Variants in DCC observed in about 807,000 individuals in gnomAD.
DCC encodes the protein netrin receptor DCC.
DCC carries 58 observed loss-of-function variants against 172.5 expected under a neutral mutation model. The observed-to-expected ratio is 0.34, with a 90% confidence interval of 0.27 to 0.42. The LOEUF (loss-of-function observed/expected upper bound fraction) is 0.42. Among genes scored for constraint, DCC ranks in the 10% least tolerant of loss-of-function variants. The pLI, the probability that DCC is intolerant of heterozygous loss-of-function variation, is 1.00. For synonymous variants in DCC, 709 were observed against 644.5 expected (o/e 1.10, Z -1.52); for missense variants, 1,740 against 1,791.0 (o/e 0.97, Z 0.51).
intron 1 of DCC, among the ~76,000 whole-genome samples, chr18:52,744,279 G>T (rs553027536): frequency 1.3e-5 from 2 of 151,988 alleles, no homozygotes; most frequent in South Asian, 4.2e-4. Context: ...ACTAAATCTG[G>T]CAACTCTAAT....
chr18:53,361,202 CT>C (rs1188190973), intron 15 of DCC, among the ~76,000 whole-genome samples: 1 of 152,108 alleles, frequency 6.6e-6, no homozygotes, highest in Non-Finnish European at 1.5e-5. Context: ...TCTCATAGGC[CT>C]TCAGGGACCG....
intron 5 of DCC, among the ~76,000 whole-genome samples, chr18:53,059,332 G>A (rs2042461640): frequency 1.3e-5 from 2 of 152,060 alleles, no homozygotes; most frequent in Non-Finnish European, 2.9e-5. Context: ...ATTTCAGGGT[G>A]AGAAAATAGA....
intron 1 of DCC, among the ~76,000 whole-genome samples, chr18:52,629,388 G>C (rs1226937709): frequency 1.3e-5 from 2 of 152,168 alleles, no homozygotes; most frequent in Non-Finnish European, 2.9e-5. Flanking sequence ...ACAATGACTA[G>C]ATCCCTATGG....
intron 1 of DCC, among the ~76,000 whole-genome samples, chr18:52,433,268 C>A (rs1009851483): frequency 6.6e-6 from 1 of 152,126 alleles, no homozygotes; most frequent in Non-Finnish European, 1.5e-5. Context: ...GTTTCAATTT[C>A]AAAATCATGT....
chr18:53,110,193 A>G (rs575704459), intron 7 of DCC, among the ~76,000 whole-genome samples: 1 of 151,810 alleles, frequency 6.6e-6, no homozygotes, highest in Admixed American at 6.6e-5. Context: ...TCTGGAATAA[A>G]GTGAGATGAC....
At chr18:52,952,161 T>TC (rs1379859679) in intron 5 of DCC, among the ~76,000 whole-genome samples, 1 of 152,256 alleles carries the variant, frequency 6.6e-6, no homozygotes, top group African/African-American at 2.4e-5. Flanking sequence ...TGCATTTTTT[T>TC]CCCTTTCTCT....
chr18:53,098,530 G>A lies in DCC; in HGVS notation c.1261+32364G>A, dbSNP rs1360638588. ...ATGAATTTATCCAGTGTTTCGTGAT[G>A]ATTAGACCTAAGTTATGCATTTTGA... On this transcript the variant is annotated intron_variant, in intron 7 of 28. Coordinates refer to ENST00000442544, the MANE Select transcript of DCC (RefSeq NM_005215.4). Among the ~76,000 whole-genome samples, 3 of 152,148 alleles carry A rather than the reference G, an allele frequency of 2.0e-5. No homozygotes were observed. In the East Asian group the frequency reaches 5.8e-4, roughly 29 times the overall value.
intron 1 of DCC, among the ~76,000 whole-genome samples, chr18:52,485,777 G>A (rs1004184995): frequency 6.6e-6 from 1 of 151,888 alleles, no homozygotes; most frequent in African/African-American, 2.4e-5. Context: ...AAGAGAATAT[G>A]GTTAAACATG....
chr18:52,978,726 C>T (rs750807151), intron 5 of DCC, among the ~76,000 whole-genome samples: 1 of 152,148 alleles, frequency 6.6e-6, no homozygotes, highest in African/African-American at 2.4e-5. Context: ...CTATATCCAC[C>T]CTTCCCGCTT....
chr18:53,170,807 A>G (rs1425775819), intron 8 of DCC, among the ~76,000 whole-genome samples: 1 of 152,180 alleles, frequency 6.6e-6, no homozygotes, highest in Non-Finnish European at 1.5e-5. Context: ...GGCCAGAAAC[A>G]GCCCCCCTGA....
intron 1 of DCC, among the ~76,000 whole-genome samples, chr18:52,698,838 T>C (rs1433370850): frequency 6.6e-6 from 1 of 150,696 alleles, no homozygotes; most frequent in Non-Finnish European, 1.5e-5. Flanking sequence ...CTCAAACTCC[T>C]GACCTCGTGA....
chr18:52,818,639 T>C (rs1053142924), intron 2 of DCC, among the ~76,000 whole-genome samples: 1 of 152,078 alleles, frequency 6.6e-6, no homozygotes, highest in African/African-American at 2.4e-5. Flanking sequence ...AGGAGAAAGA[T>C]CATTAGATCA....
chr18:52,461,663 C>T (rs1988634722), intron 1 of DCC, among the ~76,000 whole-genome samples: 1 of 152,194 alleles, frequency 6.6e-6, no homozygotes, highest in African/African-American at 2.4e-5. Flanking sequence ...TATGGGACCA[C>T]TGTTGCGTAC....
intron 15 of DCC, among the ~76,000 whole-genome samples, chr18:53,352,172 A>G (rs961373162): frequency 5.9e-5 from 9 of 152,108 alleles, no homozygotes; most frequent in Non-Finnish European, 1.0e-4. Context: ...CCAACAAAAT[A>G]ATATAATCCA....
At chr18:52,501,319 G>A (rs1241925522) in intron 1 of DCC, among the ~76,000 whole-genome samples, 1 of 152,078 alleles carries the variant, frequency 6.6e-6, no homozygotes, top group Non-Finnish European at 1.5e-5. Flanking sequence ...CAAATGGTAT[G>A]CCAGAATCAA....
rs574205495 is a variant in DCC, at chr18:52,453,419, C to T, written c.91+112541C>T. Among the ~76,000 whole-genome samples, 6 of 152,236 alleles carry T rather than the reference C, an allele frequency of 3.9e-5. No homozygotes were observed. The Middle Eastern group carries it at 0.014, about 345-fold the overall frequency. ...GCATCCACTCATCCCTCAATCATCA[C>T]GCAGGTTGCCCCTGTACCATGCGAT... On this transcript the variant is annotated intron_variant, in intron 1 of 28. Coordinates refer to ENST00000442544, the MANE Select transcript of DCC (RefSeq NM_005215.4).
At chr18:53,383,993 G>T (rs932660416) in intron 15 of DCC, among the ~76,000 whole-genome samples, 1 of 151,938 alleles carries the variant, frequency 6.6e-6, no homozygotes, top group African/African-American at 2.4e-5. Flanking sequence ...TTTTATGATT[G>T]TACCATATCT....
intron 15 of DCC, among the ~76,000 whole-genome samples, chr18:53,375,256 T>A (rs1482962534): frequency 6.6e-6 from 1 of 152,198 alleles, no homozygotes; most frequent in Non-Finnish European, 1.5e-5. Context: ...TAGTTCTTTC[T>A]GTTCATGTCT....
chr18:53,120,084 C>T (rs181091643), intron 7 of DCC, among the ~76,000 whole-genome samples: 4 of 151,700 alleles, frequency 2.6e-5, no homozygotes, highest in African/African-American at 9.7e-5. Flanking sequence ...GGTATATATC[C>T]AGCTGTATTT....
Sources: allele counts gnomAD v4.1 joint callset (sites outside exome capture counted in the v4.1 genomes callset), GRCh38; gene constraint gnomAD v4.1.1; transcripts MANE v1.5; gene names NCBI Gene and HGNC (gene_info 2026-07-23, HGNC 2026-07-21).